Variants in CDYL observed in about 807,000 individuals in gnomAD.
CDYL encodes chromodomain Y like.
CDYL carries 8 observed loss-of-function variants against 47.3 expected under a neutral mutation model. That is an observed-to-expected ratio of 0.17 (90% CI 0.10 to 0.31). CDYL has a LOEUF of 0.31. Ranked by LOEUF, CDYL falls within the 10% of genes least tolerant of loss-of-function variation. CDYL has a pLI of 1.00. For missense variants in CDYL, 471 were observed against 701.4 expected (o/e 0.67, Z 3.71); for synonymous variants, 266 against 265.0 (o/e 1.00, Z -0.04).
exon 1 of CDYL, chr6:4,706,180 C>G (rs1017741713): frequency 6.6e-6 from 1 of 152,060 alleles, no homozygotes; most frequent in South Asian, 2.1e-4. Context: ...CTATTTCTAC[C>G]TAAGGACATT....
intron 2 of CDYL, among the ~76,000 whole-genome samples, chr6:4,934,552 A>G (rs996849920): frequency 6.6e-6 from 1 of 152,180 alleles, no homozygotes; most frequent in African/African-American, 2.4e-5. Flanking sequence ...TGCTAATGCT[A>G]CTAGTAAAGT....
At chr6:4,739,790 T>TA (rs1257663077) in intron 3 of CDYL, among the ~76,000 whole-genome samples, 2 of 149,962 alleles carry the variant, frequency 1.3e-5, no homozygotes, top group African/African-American at 4.9e-5. Context: ...CCGTCTCTAC[T>TA]AAAAAATACA....
intron 2 of CDYL, chr6:4,725,021 G>C (rs1231027675): frequency 6.6e-6 from 1 of 152,108 alleles, no homozygotes; most frequent in Non-Finnish European, 1.5e-5. Flanking sequence ...GGTACTGATT[G>C]GTGCCTTTAC....
chr6:4,799,299 A>G (rs1487594532), intron 1 of CDYL, among the ~76,000 whole-genome samples: 1 of 152,164 alleles, frequency 6.6e-6, no homozygotes, highest in Non-Finnish European at 1.5e-5. Flanking sequence ...GAATCTATTC[A>G]GAATTGTTTT....
intron 3 of CDYL, among the ~76,000 whole-genome samples, chr6:4,770,059 A>T (rs1436898058): frequency 2.0e-5 from 3 of 148,908 alleles, no homozygotes; most frequent in Non-Finnish European, 1.5e-5. Flanking sequence ...ATATGGTCTC[A>T]ATCTCTTGAC....
In CDYL at chr6:4,807,767, C is replaced by A. The variant is rs527944124; in HGVS notation, c.24+30960C>A. Among the ~76,000 whole-genome samples, 8 of 151,784 alleles carry A rather than the reference C, an allele frequency of 5.3e-5. No homozygotes were observed. The South Asian group carries it at 1.3e-3, about 24-fold the overall frequency. On this transcript the variant is annotated intron_variant, in intron 1 of 6. Transcript: ENST00000397588. ...TACAGGCATGTGCCACCACACCTGA[C>A]TAATTTTTAATTTTTTTCTGTAGAG...
chr6:4,819,331 A>ATTACTAC (rs111753688), intron 1 of CDYL, among the ~76,000 whole-genome samples: 4,011 of 152,228 alleles, frequency 0.026, 177 homozygotes, highest in African/African-American at 0.091. Context: ...GAAGTAAAGA[A>ATTACTAC]TTACGTGTGT....
upstream of CDYL, chr6:4,773,057 G>T: frequency 6.6e-6 from 3 of 452,788 alleles, no homozygotes; most frequent in Admixed American, 7.2e-5. The surrounding 1 kb of genome is among the most constrained non-coding windows in gnomAD (Gnocchi z 4.6). Context: ...GATGGGAAGA[G>T]GCTGTGATTC....
intron 1 of CDYL, among the ~76,000 whole-genome samples, chr6:4,800,353 T>G (rs1335917813): frequency 6.6e-6 from 1 of 152,216 alleles, no homozygotes; most frequent in African/African-American, 2.4e-5. Flanking sequence ...AGACATATAA[T>G]TTTTTCAATG....
At chr6:4,849,876 A>T (rs1388559164) in intron 1 of CDYL, among the ~76,000 whole-genome samples, 1 of 128,636 alleles carries the variant, frequency 7.8e-6, no homozygotes, top group African/African-American at 2.9e-5. Context: ...TGATGGTGAG[A>T]TGGTGTGACG....
chr6:4,920,997 G>GTGTGTGTGTA (rs1554107932), intron 2 of CDYL, among the ~76,000 whole-genome samples: 1 of 151,488 alleles, frequency 6.6e-6, no homozygotes, highest in Non-Finnish European at 1.5e-5. Flanking sequence ...TGATACATCT[G>GTGTGTGTGTA]TGTGTGTGTG....
In CDYL at chr6:4,832,537, C is replaced by T. The variant is rs1760176914; in HGVS notation, c.24+55730C>T. 5.3e-5 allele frequency among the ~76,000 whole-genome samples: 8 copies of T among 151,076 alleles called. No individual in the cohort carries two copies. In the South Asian group the frequency reaches 1.7e-3, roughly 32 times the overall value. ...ATCAAGGATATTGGTCTAAAATTCT[C>T]TTTTTTGGTTGTGTCTCTGCCTGGC... On this transcript the variant is annotated intron_variant, in intron 1 of 6. Coordinates refer to ENST00000397588, the MANE Select transcript of CDYL (RefSeq NM_004824.4).
intron 2 of CDYL, among the ~76,000 whole-genome samples, chr6:4,914,528 G>A (rs772582480): frequency 6.6e-5 from 10 of 152,282 alleles, no homozygotes; most frequent in Admixed American, 2.0e-4. Flanking sequence ...AGCTTTCCTT[G>A]CAGCGGCTCA....
intron 1 of CDYL, among the ~76,000 whole-genome samples, chr6:4,806,219 T>C (rs752137917): frequency 6.6e-6 from 1 of 152,180 alleles, no homozygotes; most frequent in Non-Finnish European, 1.5e-5. Flanking sequence ...AGAAAAGGAA[T>C]GCTTGCAGTC....
At chr6:4,909,757 G>A (rs1187729419) in intron 2 of CDYL, among the ~76,000 whole-genome samples, 4 of 150,790 alleles carry the variant, frequency 2.7e-5, no homozygotes, top group Non-Finnish European at 4.4e-5. Context: ...TTTATTTTTA[G>A]TAGAGATGGG....
chr6:4,916,501 G>A (rs139912701), intron 2 of CDYL, among the ~76,000 whole-genome samples: 324 of 152,314 alleles, frequency 2.1e-3, no homozygotes, highest in Non-Finnish European at 3.4e-3. Context: ...ACTGAGAACA[G>A]GTTTTGAAAA....
chr6:4,874,633 T>A (rs1295356963), intron 1 of CDYL, among the ~76,000 whole-genome samples: 1 of 152,212 alleles, frequency 6.6e-6, no homozygotes, highest in Non-Finnish European at 1.5e-5. Context: ...GTATAGTTGG[T>A]GAGCTTGACA....
At chr6:4,791,754 A>G (rs1322353198) in intron 1 of CDYL, among the ~76,000 whole-genome samples, 12 of 152,122 alleles carry the variant, frequency 7.9e-5, no homozygotes, top group Admixed American at 7.9e-4. Flanking sequence ...TCTAACTACT[A>G]CGAACCACAG....
chr6:4,879,811 C>T (rs188191471), intron 1 of CDYL, among the ~76,000 whole-genome samples: 5 of 152,230 alleles, frequency 3.3e-5, no homozygotes, highest in East Asian at 3.9e-4. Flanking sequence ...CTGCCCGCCT[C>T]GGCCTCCGAA....
Sources: gnomAD v4.1 joint callset for allele counts (sites outside exome capture counted in the v4.1 genomes callset) on GRCh38, gnomAD v4.1.1 for gene constraint, Gnocchi (gnomAD v3.1) non-coding constraint, MANE v1.5 for transcripts, NCBI Gene and HGNC (gene_info 2026-07-23, HGNC 2026-07-21) for gene names.